The following RFTN1 variants were observed in gnomAD, a reference collection of about 807,000 sequenced individuals.
RFTN1 encodes the protein raftlin.
RFTN1 carries 26 observed loss-of-function variants against 46.5 expected under a neutral mutation model. The ratio of observed to expected loss-of-function variants is 0.56; its 90% CI spans 0.41 to 0.78. The LOEUF (loss-of-function observed/expected upper bound fraction) is 0.78, where lower values mean the gene tolerates loss of function less well. Ranked by LOEUF, RFTN1 falls within the 30% of genes least tolerant of loss-of-function variation. RFTN1 has a pLI of 0.00. For missense variants in RFTN1, 693 were observed against 718.7 expected (o/e 0.96, Z 0.41); for synonymous variants, 261 against 284.2 (o/e 0.92, Z 0.82).
At position 16,346,347 on chromosome 3, in the gene RFTN1, TG is replaced by T. The variant is rs2071717990; in HGVS notation, c.1146+11584del. ...ATAACTTACTTGTATCACTAAATTT[TG>T]TATATGAAGTGAAATATGGCTGTCT... On this transcript the variant is annotated intron_variant, in intron 7 of 9. Transcript: ENST00000334133. The surrounding 1 kb of genome is among the most constrained non-coding windows in gnomAD (Gnocchi z 4.4). 6.6e-6 allele frequency: 1 copy of T among 152,224 alleles called. No homozygotes were observed. The highest frequency in any genetic ancestry group is 2.4e-5 in the African/African-American group (1 of 41,454). 9.4% of individuals were successfully genotyped at this position (152,224 alleles called of 1,614,324 possible).
At chr3:16,399,963 A>C (rs897524656) in intron 4 of RFTN1, among the ~76,000 whole-genome samples, 4 of 152,190 alleles carry the variant, frequency 2.6e-5, no homozygotes, top group African/African-American at 9.7e-5. Context: ...TCTCTTGTCT[A>C]TGAAGAGTTA....
intron 6 of RFTN1, among the ~76,000 whole-genome samples, chr3:16,365,119 T>A (rs184099915): frequency 6.6e-6 from 1 of 152,254 alleles, no homozygotes; most frequent in East Asian, 1.9e-4. Context: ...ATTAAGTGGC[T>A]TCTTTGAAAT....
intron 2 of RFTN1, among the ~76,000 whole-genome samples, chr3:16,456,266 A>G (rs1489679315): frequency 6.6e-6 from 1 of 152,210 alleles, no homozygotes; most frequent in African/African-American, 2.4e-5. Flanking sequence ...TAACAATTAC[A>G]GTAACCAGGG....
At chr3:16,406,576 C>T (rs1350497380) in intron 4 of RFTN1, among the ~76,000 whole-genome samples, 1 of 152,154 alleles carries the variant, frequency 6.6e-6, no homozygotes, top group African/African-American at 2.4e-5. Context: ...TATTTAAAAA[C>T]CAAGTGTATG....
At position 16,500,492 on chromosome 3, in the gene RFTN1, A is replaced by T. The variant is rs557325020; in HGVS notation, c.-8-6615T>A. Among the ~76,000 whole-genome samples the T allele has an allele frequency of 6.6e-6, 1 of 152,360 alleles. No homozygotes were observed. Among genetic ancestry groups the T allele is most frequent in the East Asian group, 1.9e-4 (1 of 5,190 alleles). ...GAAACAGTGGGGAAATAATCAAAGC[A>T]TATATGCAGTTCCCTAGCAGAAATT... is the stretch of plus-strand genomic sequence containing the variant. On this transcript the variant is annotated intron_variant, in intron 1 of 9. Transcript: ENST00000334133. This position sits in a 1 kb window ranked among gnomAD's most constrained non-coding sequence, Gnocchi z 5.9.
Position 16,377,917 on chromosome 3 carries a change from A to C in RFTN1, c.627T>G (p.Asp209Glu). 1 of 1,614,166 alleles carries C rather than the reference A, an allele frequency of 6.2e-7. No homozygotes were observed. The highest frequency in any genetic ancestry group is 8.5e-7 in the Non-Finnish European group (1 of 1,180,022). The change falls in exon 5 of 10, where the codon GAT becomes GAG. Residue 209 changes from aspartate to glutamate, a missense_variant. By Grantham distance (45) the Asp-to-Glu change is conservative. Transcript: ENST00000334133. ...SLENEKPGTG[D>E]VCSAPAGRNQ... Reference sequence around the variant, plus strand: ...TTCTCCCAGCCGGAGCACTGCACACATCCCCAGTCCCCGGTTTCTCATTCT... The same window carrying C: ...TTCTCCCAGCCGGAGCACTGCACACCTCCCCAGTCCCCGGTTTCTCATTCT...
chr3:16,454,914 A>G (rs748835831), intron 2 of RFTN1: 2 of 350,350 alleles, frequency 5.7e-6, no homozygotes, highest in Non-Finnish European at 8.0e-6. Context: ...CGTGATTGAA[A>G]AAACAAAAAC....
rs1380876723 is a variant in RFTN1, at chr3:16,335,564, GAAAACACAT to G, written c.1147-8697_1147-8689del. On this transcript the variant is annotated intron_variant, in intron 7 of 9. Coordinates refer to ENST00000334133, the MANE Select transcript of RFTN1 (RefSeq NM_015150.2). This position sits in a 1 kb window ranked among gnomAD's most constrained non-coding sequence, Gnocchi z 4.7. ...CTTACAAGTGGGAGAGCTGAACGGT[GAAAACACAT>G]GTGAAAACACATGGACACATGGTGG... is the stretch of plus-strand genomic sequence containing the variant. 3.9e-5 allele frequency among the ~76,000 whole-genome samples: 6 copies of G among 152,160 alleles called. No individual in the cohort carries two copies. The highest frequency in any genetic ancestry group is 3.3e-4 in the Admixed American group (5 of 15,270).
chr3:16,467,827 C>A (rs752154709), intron 2 of RFTN1, among the ~76,000 whole-genome samples: 22 of 152,190 alleles, frequency 1.4e-4, no homozygotes, highest in South Asian at 4.1e-4. Flanking sequence ...GCAAATATCT[C>A]TGGCAGACAG....
intron 3 of RFTN1, among the ~76,000 whole-genome samples, chr3:16,420,799 G>T (rs891460731): frequency 1.3e-5 from 2 of 152,210 alleles, no homozygotes; most frequent in Non-Finnish European, 2.9e-5. Flanking sequence ...TACAGGAAAA[G>T]ACAGCTTAAT....
intron 7 of RFTN1, among the ~76,000 whole-genome samples, chr3:16,333,151 C>T (rs1279768551): frequency 6.6e-6 from 1 of 152,198 alleles, no homozygotes; most frequent in Non-Finnish European, 1.5e-5. Context: ...CACTAGGCAA[C>T]AGTACTTCAG....
rs987003965 is a variant in RFTN1, at chr3:16,512,566, C to T, written c.-9+876G>A. ...CACAGACAGACAGCAGGGAGCGTGC[C>T]TGGTTCTACAACCTTGGCCTCCACG... On this transcript the variant is annotated intron_variant, in intron 1 of 9. Transcript: ENST00000334133. This position sits in a 1 kb window ranked among gnomAD's most constrained non-coding sequence, Gnocchi z 4.3. 5.3e-5 allele frequency among the ~76,000 whole-genome samples: 8 copies of T among 152,196 alleles called. No homozygotes were observed. Among genetic ancestry groups the T allele is most frequent in the Non-Finnish European group, 1.2e-4 (8 of 68,048 alleles).
chr3:16,421,067 A>G lies in RFTN1; in HGVS notation c.333-11584T>C, dbSNP rs1310365782. ...TCTGATCACACAGCGTGCCAGAAAA[A>G]AATTCCTGAGTACCACTGTACTAAC... On this transcript the variant is annotated intron_variant, in intron 3 of 9. Coordinates refer to ENST00000334133, the MANE Select transcript of RFTN1 (RefSeq NM_015150.2). The surrounding 1 kb of genome is among the most constrained non-coding windows in gnomAD (Gnocchi z 4.6). 2.6e-5 allele frequency among the ~76,000 whole-genome samples: 4 copies of G among 152,244 alleles called. No homozygotes were observed. Among genetic ancestry groups the G allele is most frequent in the African/African-American group, 7.2e-5 (3 of 41,468 alleles).
At chr3:16,493,204 G>A (rs1356711170) in intron 2 of RFTN1, among the ~76,000 whole-genome samples, 2 of 151,086 alleles carry the variant, frequency 1.3e-5, no homozygotes, top group South Asian at 2.1e-4. Flanking sequence ...GCTCACACAT[G>A]ATTTTCATTT....
intron 1 of RFTN1, among the ~76,000 whole-genome samples, chr3:16,494,308 G>C (rs2124994048): frequency 6.6e-6 from 1 of 152,302 alleles, no homozygotes; most frequent in South Asian, 2.1e-4. Flanking sequence ...TGCTAACACA[G>C]AATAAGTCGT....
chr3:16,395,974 AT>A (rs1282661996), intron 4 of RFTN1, among the ~76,000 whole-genome samples: 2 of 152,198 alleles, frequency 1.3e-5, no homozygotes, highest in Non-Finnish European at 2.9e-5. Context: ...AAAAGATACT[AT>A]TTTGGATATA....
In RFTN1 at chr3:16,479,423, T is replaced by C. The variant is rs1333248137; in HGVS notation, c.145+14302A>G. Among the ~76,000 whole-genome samples the C allele has an allele frequency of 6.6e-6, 1 of 152,176 alleles. No homozygotes were observed. The highest frequency in any genetic ancestry group is 1.9e-4 in the East Asian group (1 of 5,202). On this transcript the variant is annotated intron_variant, in intron 2 of 9. Transcript: ENST00000334133. This position sits in a 1 kb window ranked among gnomAD's most constrained non-coding sequence, Gnocchi z 5.1. ...CAGTCTCTAGATTGGCAAGAAACAGTGGTAAGAAAAGAAACAGTTGGATCA... is the reference window on the plus strand; with the variant it reads ...CAGTCTCTAGATTGGCAAGAAACAGCGGTAAGAAAAGAAACAGTTGGATCA...
At chr3:16,372,195 G>A (rs1328472902) in intron 5 of RFTN1, among the ~76,000 whole-genome samples, 1 of 152,230 alleles carries the variant, frequency 6.6e-6, no homozygotes, top group African/African-American at 2.4e-5. Flanking sequence ...GCAACAGGAA[G>A]GAGCTGGAGA....
In RFTN1 at chr3:16,466,239, C is replaced by G. The variant is rs1021814032; in HGVS notation, c.145+27486G>C. Among the ~76,000 whole-genome samples, 5 of 152,206 alleles carry G rather than the reference C, an allele frequency of 3.3e-5. No homozygotes were observed. Among genetic ancestry groups the G allele is most frequent in the African/African-American group, 1.2e-4 (5 of 41,446 alleles). On this transcript the variant is annotated intron_variant, in intron 2 of 9. Transcript: ENST00000334133. The surrounding 1 kb of genome is among the most constrained non-coding windows in gnomAD (Gnocchi z 5.6). Reference sequence around the variant, plus strand: ...GAACACTTTTAACTTGCATCGTCCTCTCATCCCAGCTTGCAAAGGAACAGG... The same window carrying G: ...GAACACTTTTAACTTGCATCGTCCTGTCATCCCAGCTTGCAAAGGAACAGG...
Sources: gnomAD v4.1 joint callset for allele counts (sites outside exome capture counted in the v4.1 genomes callset) on GRCh38, gnomAD v4.1.1 for gene constraint, Gnocchi (gnomAD v3.1) non-coding constraint, MANE v1.5 for transcripts, NCBI Gene and HGNC (gene_info 2026-07-23, HGNC 2026-07-21) for gene names.